MAPRE2: variants seen among roughly 807,000 people sequenced by gnomAD.
MAPRE2 encodes microtubule-associated protein RP/EB family member 2.
In MAPRE2, 13 loss-of-function variants were observed where a neutral mutation model predicts 43.2. That is an observed-to-expected ratio of 0.30 (90% CI 0.20 to 0.48). The LOEUF (loss-of-function observed/expected upper bound fraction) is 0.48. Among genes scored for constraint, MAPRE2 ranks in the 20% least tolerant of loss-of-function variants. MAPRE2 has a pLI of 0.99. For missense variants in MAPRE2, 161 were observed against 400.2 expected (o/e 0.40, Z 5.10); for synonymous variants, 135 against 148.8 (o/e 0.91, Z 0.68).
chr18:34,987,055 G>GT (rs1280888926), intron 1 of MAPRE2, among the ~76,000 whole-genome samples: 3 of 152,082 alleles, frequency 2.0e-5, no homozygotes, highest in Admixed American at 1.3e-4. Flanking sequence ...ATTAACTGAA[G>GT]TTTTTTTGCA....
At chr18:35,105,182 A>G (rs1010063071) in intron 4 of MAPRE2, among the ~76,000 whole-genome samples, 3 of 152,176 alleles carry the variant, frequency 2.0e-5, no homozygotes, top group African/African-American at 7.2e-5. Context: ...TATATTTTCT[A>G]GAGCTTAACC....
At chr18:35,054,822 A>G (rs926661404) in intron 1 of MAPRE2, among the ~76,000 whole-genome samples, 2 of 152,228 alleles carry the variant, frequency 1.3e-5, no homozygotes, top group East Asian at 3.8e-4. Flanking sequence ...GCAAAATCAC[A>G]TGAAGACATT....
chr18:35,064,852 G>A (rs141525993), intron 1 of MAPRE2, among the ~76,000 whole-genome samples: 8 of 152,282 alleles, frequency 5.3e-5, no homozygotes, highest in Non-Finnish European at 1.2e-4. Context: ...CTACACATTG[G>A]CCCTCAGCTG....
At position 35,097,190 on chromosome 18, in the gene MAPRE2, A is replaced by G. The variant is rs73414644; in HGVS notation, c.251-256A>G. Among the ~76,000 whole-genome samples the G allele has an allele frequency of 1.2e-3, 185 of 152,250 alleles. 1 individual carries two copies. Among genetic ancestry groups the G allele is most frequent in the African/African-American group, 4.3e-3 (179 of 41,538 alleles). On this transcript the variant is annotated intron_variant, in intron 2 of 6. Coordinates refer to ENST00000300249, the MANE Select transcript of MAPRE2 (RefSeq NM_014268.4). ...TGTTGGTTGGTTGTGGAACCTGGTG[A>G]TATTCTGATGCATGGAGTACAATAC...
chr18:35,017,244 G>GTTTTTTTTT (rs140257488), intron 2 of MAPRE2, among the ~76,000 whole-genome samples: 10 of 126,256 alleles, frequency 7.9e-5, no homozygotes, highest in African/African-American at 2.2e-4. Context: ...CGGTTTTGTT[G>GTTTTTTTTT]TTTTTTTTTT....
chr18:35,073,127 A>G (rs1248094598), intron 2 of MAPRE2, among the ~76,000 whole-genome samples: 5 of 152,164 alleles, frequency 3.3e-5, no homozygotes, highest in African/African-American at 9.7e-5. Flanking sequence ...AACAAGTACA[A>G]GTTTAAGTAC....
At chr18:35,002,834 A>G (rs553109231) in intron 1 of MAPRE2, among the ~76,000 whole-genome samples, 1 of 152,230 alleles carries the variant, frequency 6.6e-6, no homozygotes, top group South Asian at 2.1e-4. Flanking sequence ...GCTTGCAAAT[A>G]CTTTCTTCTA....
chr18:35,084,650 T>A (rs2144135996), intron 2 of MAPRE2, among the ~76,000 whole-genome samples: 1 of 152,382 alleles, frequency 6.6e-6, no homozygotes, highest in Middle Eastern at 3.4e-3. Flanking sequence ...CTCTCTTCAG[T>A]TCACATAAGC....
At chr18:35,050,509 G>GTT (rs775671995) in intron 1 of MAPRE2, among the ~76,000 whole-genome samples, 13 of 152,208 alleles carry the variant, frequency 8.5e-5, no homozygotes, top group Admixed American at 1.3e-4. Context: ...CTGCCTGTGT[G>GTT]TTTTGTGATG....
At chr18:35,037,295 A>G (rs1339087058), upstream of MAPRE2, among the ~76,000 whole-genome samples, 1 of 152,236 alleles carries the variant, frequency 6.6e-6, no homozygotes, top group African/African-American at 2.4e-5. Context: ...CATTTGCTGT[A>G]TAGCCACTGG....
chr18:35,097,324 G>A, intron 2 of MAPRE2, 122 bp from the exon 3 acceptor site: 1 of 839,132 alleles, frequency 1.2e-6, no homozygotes, highest in Non-Finnish European at 1.9e-6. Flanking sequence ...TTGGTAAGAA[G>A]GACACACTCT....
In MAPRE2 at chr18:35,140,371, C is replaced by A. The variant is rs959901510; in HGVS notation, c.*2C>A. The A allele has an allele frequency of 6.2e-6, 10 of 1,609,822 alleles. No individual in the cohort carries two copies. The highest frequency in any genetic ancestry group is 8.5e-6 in the Non-Finnish European group (10 of 1,178,142). On this transcript the variant is annotated 3_prime_UTR_variant, in exon 7 of 7. Coordinates refer to ENST00000300249, the MANE Select transcript of MAPRE2 (RefSeq NM_014268.4). ...CCCCCGCAGCAGGAAGAGTACTGAC[C>A]CACCCCGGCTGCTCTTGACACTTCC...
chr18:35,076,200 T>A (rs1907342748), intron 2 of MAPRE2, among the ~76,000 whole-genome samples: 1 of 152,236 alleles, frequency 6.6e-6, no homozygotes, highest in South Asian at 2.1e-4. Context: ...AATAGGCATA[T>A]TTTGAGCCTT....
intron 1 of MAPRE2, among the ~76,000 whole-genome samples, chr18:34,985,338 A>AATATATTATATTATATATATAATATAAT (rs2097019538): frequency 3.7e-5 from 1 of 27,068 alleles, no homozygotes; most frequent in Admixed American, 8.7e-4. Flanking sequence ...TATAATATAT[A>AATATATTATATTATATATATAATATAAT]ATATATTATA....
At chr18:34,978,374 G>C (rs2097014323) in intron 1 of MAPRE2, 2 of 791,466 alleles carry the variant, frequency 2.5e-6, no homozygotes, top group East Asian at 2.7e-5. Flanking sequence ...GCATAGTATC[G>C]ACCCTGGGGC....
At chr18:35,053,571 C>G (rs1442587812) in intron 1 of MAPRE2, among the ~76,000 whole-genome samples, 1 of 151,762 alleles carries the variant, frequency 6.6e-6, no homozygotes, top group Non-Finnish European at 1.5e-5. Context: ...TCTTCTAGTT[C>G]TGTGGAGAAG....
upstream of MAPRE2, among the ~76,000 whole-genome samples, chr18:35,040,038 T>C (rs1363360206): frequency 6.6e-6 from 1 of 152,162 alleles, no homozygotes; most frequent in Non-Finnish European, 1.5e-5. Flanking sequence ...ACCCTGTCTC[T>C]ACTAAAATAC....
rs1054478874 is a variant in MAPRE2 at position 35,079,375 on chromosome 18, G to T, written c.250+9053G>T. On this transcript the variant is annotated intron_variant, in intron 2 of 6. Coordinates refer to ENST00000300249, the MANE Select transcript of MAPRE2 (RefSeq NM_014268.4). ...TAATCCAGTTCAATAAACCTGTATT[G>T]CAGTAGCCATGCTAAGAGGCTCCAT... 2.6e-5 allele frequency among the ~76,000 whole-genome samples: 4 copies of T among 152,292 alleles called. No individual in the cohort carries two copies. The East Asian group carries it at 7.7e-4, about 29-fold the overall frequency.
At chr18:35,099,337 G>A (rs1908568713) in intron 3 of MAPRE2, among the ~76,000 whole-genome samples, 1 of 152,224 alleles carries the variant, frequency 6.6e-6, no homozygotes, top group Non-Finnish European at 1.5e-5. Flanking sequence ...AATTGAGGCT[G>A]AGCACAGTGG....
Sources: allele counts gnomAD v4.1 joint callset (sites outside exome capture counted in the v4.1 genomes callset), GRCh38; gene constraint gnomAD v4.1.1; transcripts MANE v1.5; gene names NCBI Gene and HGNC (gene_info 2026-07-23, HGNC 2026-07-21).